Variants in AFG2A observed in about 807,000 individuals in gnomAD.
AFG2A encodes AAA ATPase AFG2A.
the AFG2A span, among the ~76,000 whole-genome samples, chr4:123,238,520 G>A: frequency 3.9e-5 from 6 of 152,156 alleles, no homozygotes; most frequent in African/African-American, 7.2e-5. Context: ...GGCAGCCTCC[G>A]CTGGTGATAC....
the AFG2A span, among the ~76,000 whole-genome samples, chr4:123,104,560 C>T: frequency 4.9e-4 from 74 of 152,106 alleles, no homozygotes; most frequent in Non-Finnish European, 1.9e-4. Context: ...CTGAGAGAGG[C>T]CAAAAGCTAG....
the AFG2A span, among the ~76,000 whole-genome samples, chr4:123,308,754 G>A: frequency 3.9e-5 from 6 of 152,308 alleles, no homozygotes; most frequent in East Asian, 1.2e-3. Context: ...GGCCAAATCT[G>A]GGGAAGATGA....
the AFG2A span, among the ~76,000 whole-genome samples, chr4:123,238,659 A>G: frequency 1.3e-5 from 2 of 152,224 alleles, no homozygotes; most frequent in Non-Finnish European, 2.9e-5. Context: ...AAGGACTTCC[A>G]CACAAAAACC....
the AFG2A span, chr4:123,314,073 A>G: frequency 2.7e-6 from 4 of 1,507,294 alleles, no homozygotes; most frequent in Non-Finnish European, 3.5e-6. Flanking sequence ...GAGAAAATAT[A>G]TATATTCAAG....
At chr4:123,193,007 GTA>G in the AFG2A span, among the ~76,000 whole-genome samples, 24 of 152,258 alleles carry the variant, frequency 1.6e-4, no homozygotes, top group African/African-American at 5.3e-4. Flanking sequence ...TTATTTATTT[GTA>G]TATGTTTTGC....
At chr4:123,118,311 A>G in the AFG2A span, among the ~76,000 whole-genome samples, 250 of 52,768 alleles carry the variant, frequency 4.7e-3, 6 homozygotes, top group Non-Finnish European at 1.4e-3. Context: ...GTGTGTATAT[A>G]TAATATATAT....
At chr4:123,107,605 G>T in the AFG2A span, among the ~76,000 whole-genome samples, 2 of 152,204 alleles carry the variant, frequency 1.3e-5, no homozygotes, top group Non-Finnish European at 2.9e-5. Context: ...TGTCTTGAAG[G>T]TGGGGTTTCA....
chr4:123,012,845 G>C, the AFG2A span, among the ~76,000 whole-genome samples: 1 of 152,134 alleles, frequency 6.6e-6, no homozygotes, highest in South Asian at 2.1e-4. Context: ...TGGTTAGTCT[G>C]AGGACCAGAG....
chr4:123,192,428 T>C, the AFG2A span, among the ~76,000 whole-genome samples: 1 of 152,342 alleles, frequency 6.6e-6, no homozygotes, highest in East Asian at 1.9e-4. Flanking sequence ...AACACACTCA[T>C]ACATCTCCTC....
the AFG2A span, among the ~76,000 whole-genome samples, chr4:123,279,187 G>A: frequency 2.6e-5 from 4 of 152,260 alleles, no homozygotes; most frequent in Non-Finnish European, 4.4e-5. Context: ...AGGCCAAGGC[G>A]GGTGGATCAC....
chr4:123,229,680 G>T, the AFG2A span, among the ~76,000 whole-genome samples: 1 of 151,984 alleles, frequency 6.6e-6, no homozygotes, highest in Non-Finnish European at 1.5e-5. Context: ...TTTCTGGGAT[G>T]ATGGAAATGC....
chr4:123,092,865 A>C, the AFG2A span, among the ~76,000 whole-genome samples: 1 of 152,126 alleles, frequency 6.6e-6, no homozygotes, highest in South Asian at 2.1e-4. Context: ...CCTCCATCAG[A>C]AACAGCAATG....
At chr4:123,208,655 T>A in the AFG2A span, among the ~76,000 whole-genome samples, 1 of 152,324 alleles carries the variant, frequency 6.6e-6, no homozygotes, top group Admixed American at 6.5e-5. Context: ...AATGTCGTTA[T>A]GGATAGAAGG....
At chr4:123,037,800 C>T in the AFG2A span, among the ~76,000 whole-genome samples, 1 of 151,970 alleles carries the variant, frequency 6.6e-6, no homozygotes, top group Non-Finnish European at 1.5e-5. Context: ...TGTCTAGCCC[C>T]AAATTAACTT....
At chr4:123,215,368 T>C in the AFG2A span, among the ~76,000 whole-genome samples, 1 of 152,098 alleles carries the variant, frequency 6.6e-6, no homozygotes. Flanking sequence ...AGGCTAGAAA[T>C]TATTGGATAA....
At chr4:123,158,215 CTT>C in the AFG2A span, among the ~76,000 whole-genome samples, 526 of 152,318 alleles carry the variant, frequency 3.5e-3, 7 homozygotes, top group African/African-American at 0.012. Flanking sequence ...GATAAAATGA[CTT>C]GTTCCAAATT....
the AFG2A span, among the ~76,000 whole-genome samples, chr4:123,038,462 A>G: frequency 1.3e-5 from 2 of 152,112 alleles, no homozygotes; most frequent in African/African-American, 4.8e-5. Flanking sequence ...TGTAATATTT[A>G]TCTTTGAAAC....
the AFG2A span, among the ~76,000 whole-genome samples, chr4:122,943,629 A>G: frequency 2.0e-5 from 3 of 152,018 alleles, no homozygotes; most frequent in Non-Finnish European, 2.9e-5. Flanking sequence ...CATTTAGTCC[A>G]TTTACATTTA....
chr4:123,066,159 A>G, the AFG2A span, among the ~76,000 whole-genome samples: 1 of 152,186 alleles, frequency 6.6e-6, no homozygotes, highest in African/African-American at 2.4e-5. Context: ...TGAAGATCTC[A>G]GGCTTAGCGG....
Sources: gnomAD v4.1 joint callset for allele counts (sites outside exome capture counted in the v4.1 genomes callset) on GRCh38, gnomAD v4.1.1 for gene constraint, MANE v1.5 for transcripts, NCBI Gene and HGNC (gene_info 2026-07-23, HGNC 2026-07-21) for gene names.